The following PCNX2 variants were observed in gnomAD, a reference collection of about 807,000 sequenced individuals.
PCNX2 encodes pecanex-like protein 2.
PCNX2 carries 168 observed loss-of-function variants against 223.8 expected under a neutral mutation model. That is an observed-to-expected ratio of 0.75 (90% CI 0.66 to 0.85). The LOEUF is 0.85. PCNX2 is among the 40% of genes least tolerant of loss of function. The pLI, the probability that PCNX2 is intolerant of heterozygous loss-of-function variation, is 0.00. For synonymous variants in PCNX2, 1,006 were observed against 1,052.6 expected, an observed-to-expected ratio of 0.96 and a Z score of 0.86; for missense variants, 2,507 against 2,675.5, an observed-to-expected ratio of 0.94 and a Z score of 1.39.
At chr1:233,073,104 T>G (rs1558205453) in intron 23 of PCNX2, among the ~76,000 whole-genome samples, 1 of 152,222 alleles carries the variant, frequency 6.6e-6, no homozygotes, top group Non-Finnish European at 1.5e-5. Context: ...TGTTTATTCT[T>G]CAGTCAGCTT....
intron 1 of PCNX2, among the ~76,000 whole-genome samples, chr1:233,265,096 A>AG (rs997082359): frequency 3.3e-5 from 5 of 151,172 alleles, no homozygotes; most frequent in African/African-American, 4.9e-5. Context: ...TTTAAAAATT[A>AG]GCCAGGTGTG....
chr1:233,128,260 T>G (rs1331346573), intron 21 of PCNX2, among the ~76,000 whole-genome samples: 1 of 152,214 alleles, frequency 6.6e-6, no homozygotes, highest in Non-Finnish European at 1.5e-5. Context: ...ATGGCAGGAT[T>G]TTCTCAAGTT....
Position 232,988,774 on chromosome 1 carries a change from A to G in PCNX2, c.5792-2234T>C, listed in dbSNP as rs569846455. On this transcript the variant is annotated intron_variant, in intron 32 of 33. Transcript: ENST00000258229. Reference sequence around the variant, plus strand: ...ACTGCTCACCAGTAAGTAGGTCACCAGCCTCCACTGCTAGGCCAACTCCCC... The same window carrying G: ...ACTGCTCACCAGTAAGTAGGTCACCGGCCTCCACTGCTAGGCCAACTCCCC... Among the ~76,000 whole-genome samples the G allele has an allele frequency of 2.2e-3, 340 of 152,300 alleles. 2 individuals are homozygous for G. The highest frequency in any genetic ancestry group is 9.7e-3 in the South Asian group (47 of 4,824).
intron 18 of PCNX2, among the ~76,000 whole-genome samples, chr1:233,160,760 G>A (rs1234344326): frequency 1.3e-5 from 2 of 152,120 alleles, no homozygotes; most frequent in Non-Finnish European, 2.9e-5. Flanking sequence ...CATGAAAAGG[G>A]GAGTTCATGG....
chr1:233,246,471 G>A (rs1659129886), intron 8 of PCNX2, among the ~76,000 whole-genome samples: 1 of 152,168 alleles, frequency 6.6e-6, no homozygotes, highest in African/African-American at 2.4e-5. Flanking sequence ...GAGCACTTTT[G>A]GCAATCAGTC....
chr1:233,013,617 C>A (rs1670551658), intron 28 of PCNX2, among the ~76,000 whole-genome samples: 3 of 152,150 alleles, frequency 2.0e-5, no homozygotes, highest in Non-Finnish European at 4.4e-5. Flanking sequence ...ATCAAAAGAA[C>A]CTCTTTTGTA....
At chr1:233,042,747 G>C (rs914340529) in intron 25 of PCNX2, among the ~76,000 whole-genome samples, 3 of 152,176 alleles carry the variant, frequency 2.0e-5, no homozygotes, top group African/African-American at 7.2e-5. Flanking sequence ...GTGATGCTCT[G>C]TATATTCTGA....
intron 13 of PCNX2, 94 bp downstream of exon 13, chr1:233,208,424 A>C: frequency 7.4e-7 from 1 of 1,344,164 alleles, no homozygotes; most frequent in South Asian, 1.5e-5. Context: ...TCTTCACCCA[A>C]TAATCAAGTA....
At chr1:233,084,149 T>C (rs1277599537) in intron 23 of PCNX2, among the ~76,000 whole-genome samples, 3 of 152,198 alleles carry the variant, frequency 2.0e-5, no homozygotes, top group Non-Finnish European at 4.4e-5. Flanking sequence ...ACAGACAAAG[T>C]AACGTCCCAA....
At chr1:233,069,395 T>C (rs931741717) in intron 23 of PCNX2, among the ~76,000 whole-genome samples, 4 of 152,150 alleles carry the variant, frequency 2.6e-5, no homozygotes, top group Non-Finnish European at 4.4e-5. Flanking sequence ...CACCCAACAA[T>C]GGTAGACTAC....
intron 21 of PCNX2, among the ~76,000 whole-genome samples, chr1:233,098,128 TTGCCCCCAAA>T (rs1307901357): frequency 6.6e-6 from 1 of 152,208 alleles, no homozygotes; most frequent in African/African-American, 2.4e-5. Flanking sequence ...ATATGATGTA[TTGCCCCCAAA>T]TGCCCTAAAA....
rs1240620251 is a variant in PCNX2, at chr1:233,095,792, A to G, written c.3909T>C (p.Ser1303=). 1.9e-6 allele frequency: 3 copies of G among 1,612,160 alleles called. No individual in the cohort carries two copies. Among genetic ancestry groups the G allele is most frequent in the Non-Finnish European group, 2.5e-6 (3 of 1,179,004 alleles). Residue 1303 remains serine, a synonymous_variant, in exon 22 of 34, where the codon TCT becomes TCC. Coordinates refer to ENST00000258229, the MANE Select transcript of PCNX2 (RefSeq NM_014801.4). ...AGAGCTGAGCAAACACGTGAAACGA[A>G]GAACCCCAAGCCATCTGCCAAGGAG... The part of the protein sequence containing the change: ...YVAPWQMAWG[S]SFHVFAQLFA...
At chr1:233,131,800 C>T (rs1227634674) in intron 21 of PCNX2, among the ~76,000 whole-genome samples, 1 of 152,156 alleles carries the variant, frequency 6.6e-6, no homozygotes, top group Non-Finnish European at 1.5e-5. Flanking sequence ...TGTGCTAATG[C>T]TCCCTCAATT....
chr1:233,304,301 A>G, the PCNX2 span, among the ~76,000 whole-genome samples: 11 of 152,174 alleles, frequency 7.2e-5, no homozygotes, highest in South Asian at 2.1e-4. Flanking sequence ...ATTTATAATG[A>G]TATGAGGATC....
chr1:233,186,030 C>T (rs1052142114), intron 15 of PCNX2, among the ~76,000 whole-genome samples: 5 of 152,212 alleles, frequency 3.3e-5, no homozygotes, highest in Non-Finnish European at 5.9e-5. Context: ...AAAAAGCACA[C>T]TCTGAACACA....
intron 26 of PCNX2, 121 bp downstream of exon 26, chr1:233,025,025 G>C: frequency 7.4e-7 from 1 of 1,351,118 alleles, no homozygotes; most frequent in Non-Finnish European, 1.0e-6. Context: ...AGATGGCTGG[G>C]TTTCCAATTC....
At chr1:233,293,948 G>C in intron 1 of PCNX2, 1 of 984,734 alleles carries the variant, frequency 1.0e-6, no homozygotes, top group Non-Finnish European at 1.2e-6. Flanking sequence ...AGGAAAAATG[G>C]GTTAAGAAAA....
At chr1:233,077,795 T>G (rs1168063474) in intron 23 of PCNX2, among the ~76,000 whole-genome samples, 1 of 152,162 alleles carries the variant, frequency 6.6e-6, no homozygotes, top group Non-Finnish European at 1.5e-5. Context: ...ATATAATTAT[T>G]TTGACTTTAC....
In PCNX2 at chr1:233,198,971, G is replaced by A. The variant is rs1376511256; in HGVS notation, c.3034C>T (p.Leu1012=). 6.2e-7 allele frequency: 1 copy of A among 1,606,308 alleles called. No homozygotes were observed. The highest frequency in any genetic ancestry group is 8.5e-7 in the Non-Finnish European group (1 of 1,176,892). ...GCACTGAAGCAGACTGCGTGGAGCA[G>A]GGCGGCAGCCAAGACGCTCCGGGCC... The part of the protein sequence containing the change: ...SVARSVLAAA[L]LHAVCFSAVK... Residue 1012 remains leucine (L), a synonymous_variant, in exon 15 of 34, where the codon CTG becomes TTG. Coordinates refer to ENST00000258229, the MANE Select transcript of PCNX2 (RefSeq NM_014801.4).
Sources: gnomAD v4.1 joint callset for allele counts (sites outside exome capture counted in the v4.1 genomes callset) on GRCh38, gnomAD v4.1.1 for gene constraint, MANE v1.5 for transcripts, NCBI Gene and HGNC (gene_info 2026-07-23, HGNC 2026-07-21) for gene names.